PADI1: variants seen among roughly 807,000 people sequenced by gnomAD.
PADI1 encodes protein-arginine deiminase type-1.
In PADI1, 65 loss-of-function variants were observed where a neutral mutation model predicts 74.8. That is an observed-to-expected ratio of 0.87 (90% CI 0.71 to 1.07). The LOEUF (loss-of-function observed/expected upper bound fraction) is 1.07. Ranked by LOEUF, PADI1 falls within the 50% of genes least tolerant of loss-of-function variation. The pLI is 0.00. For synonymous variants in PADI1, 371 were observed against 336.2 expected, an observed-to-expected ratio of 1.10 and a Z score of -1.13; for missense variants, 943 against 854.0, an observed-to-expected ratio of 1.10 and a Z score of -1.30.
intron 14 of PADI1, 89 bp from the exon 15 acceptor site, chr1:17,240,545 AG>A (rs1340744358): frequency 7.0e-7 from 1 of 1,432,672 alleles, no homozygotes; most frequent in African/African-American, 1.4e-5. Context: ...GCGGGCCCAG[AG>A]GGCTCCACAC....
intron 15 of PADI1, among the ~76,000 whole-genome samples, chr1:17,243,096 C>T (rs1046957723): frequency 1.3e-5 from 2 of 152,214 alleles, no homozygotes; most frequent in Non-Finnish European, 2.9e-5. Context: ...AAACTCAAGA[C>T]AGCCCAGAGC....
chr1:17,240,603 G>C (rs373493785), intron 14 of PADI1, 32 bp from the exon 15 acceptor site: 3 of 1,437,674 alleles, frequency 2.1e-6, no homozygotes, highest in Non-Finnish European at 2.9e-6. Flanking sequence ...GCTCTTCCTA[G>C]TCCTGGGCTG....
intron 1 of PADI1, 88 bp from the exon 2 acceptor site, chr1:17,222,202 G>C: frequency 2.1e-6 from 2 of 933,130 alleles, no homozygotes; most frequent in East Asian, 5.0e-5. Context: ...TGAACGGCCT[G>C]GCAGCCCCAA....
At chr1:17,226,468 C>A (rs530856606) in intron 6 of PADI1, among the ~76,000 whole-genome samples, 1 of 152,202 alleles carries the variant, frequency 6.6e-6, no homozygotes, top group Non-Finnish European at 1.5e-5. Context: ...GCCCCACACC[C>A]GTTCCCTCCT....
Position 17,230,567 on chromosome 1 carries a change from C to T in PADI1, c.1054-5C>T. ...ACTGTGGCTTTTTCATCTCTCCCCTCCCAGGACGAGATGGAGTTTGGCTAC... is the reference window on the plus strand; with the variant it reads ...ACTGTGGCTTTTTCATCTCTCCCCTTCCAGGACGAGATGGAGTTTGGCTAC... On this transcript the variant is annotated splice_polypyrimidine_tract_variant and splice_region_variant and intron_variant, in intron 9 of 15. Transcript: ENST00000375471. 1.3e-6 allele frequency: 2 copies of T among 1,596,772 alleles called. No individual in the cohort carries two copies. The highest frequency in any genetic ancestry group is 1.1e-5 in the South Asian group (1 of 89,670).
chr1:17,229,526 C>G (rs1395506179), intron 8 of PADI1, among the ~76,000 whole-genome samples: 2 of 152,238 alleles, frequency 1.3e-5, no homozygotes, highest in East Asian at 3.8e-4. Context: ...AGGGAAGGAT[C>G]AGCCTCGATT....
At chr1:17,225,726 A>T in intron 4 of PADI1, 85 bp from the exon 5 acceptor site, 3 of 866,850 alleles carry the variant, frequency 3.5e-6, no homozygotes, top group Non-Finnish European at 5.6e-6. Flanking sequence ...TAATCTAATA[A>T]AGCAGCCCGC....
At chr1:17,229,115 C>A in intron 8 of PADI1, 64 bp downstream of exon 8, 1 of 1,005,148 alleles carries the variant, frequency 9.9e-7, no homozygotes, top group Non-Finnish European at 1.5e-6. Context: ...CAGAAGCTGC[C>A]TCAGGGCTGC....
rs933358534 is a variant in PADI1 at position 17,221,640 on chromosome 1, G to T, written c.93-650G>T. Among the ~76,000 whole-genome samples the T allele has an allele frequency of 2.6e-5, 4 of 152,112 alleles. No homozygotes were observed. The South Asian group carries it at 8.3e-4, about 32-fold the overall frequency. ...AGAGGGTGAGGGAAGGAGACTTGTGGACATCTTGGGGAGGAGCAGTCCATG... is the reference window on the plus strand; with the variant it reads ...AGAGGGTGAGGGAAGGAGACTTGTGTACATCTTGGGGAGGAGCAGTCCATG... On this transcript the variant is annotated intron_variant, in intron 1 of 15. Coordinates refer to ENST00000375471, the MANE Select transcript of PADI1 (RefSeq NM_013358.3).
At chr1:17,232,728 C>T (rs1420742555) in intron 10 of PADI1, 91 bp from the exon 11 acceptor site, 2 of 1,170,438 alleles carry the variant, frequency 1.7e-6, no homozygotes, top group African/African-American at 1.6e-5. Context: ...TGGGAGACCC[C>T]CAGCAACTCC....
At chr1:17,206,683 C>CTTTTTTTTT (rs796276122) in intron 1 of PADI1, among the ~76,000 whole-genome samples, 20 of 109,758 alleles carry the variant, frequency 1.8e-4, no homozygotes, top group Non-Finnish European at 3.4e-4. Flanking sequence ...TTTTCTTTTT[C>CTTTTTTTTT]TTTTTTTTTT....
At chr1:17,211,120 C>T (rs2071823060) in intron 1 of PADI1, among the ~76,000 whole-genome samples, 1 of 152,194 alleles carries the variant, frequency 6.6e-6, no homozygotes. Flanking sequence ...GCCCTGTGTC[C>T]TCTTTTGTCC....
At chr1:17,227,566 TAAATA>T (rs1557468504) in intron 6 of PADI1, among the ~76,000 whole-genome samples, 14 of 147,436 alleles carry the variant, frequency 9.5e-5, no homozygotes, top group African/African-American at 2.9e-4. Context: ...AATAAATAAA[TAAATA>T]AATAAATAAA....
At chr1:17,234,866 C>T (rs1444556477) in intron 11 of PADI1, among the ~76,000 whole-genome samples, 6 of 152,248 alleles carry the variant, frequency 3.9e-5, no homozygotes, top group East Asian at 3.9e-4. Context: ...ACGATATTGA[C>T]GCTTCTTTGC....
rs996688484 is a variant in PADI1, at chr1:17,239,949, T to C, written c.1632+166T>C. On this transcript the variant is annotated intron_variant, in intron 14 of 15. Transcript: ENST00000375471. ...AGCCTCTGCCTTCAGGAACCCACAG[T>C]CTGATGGAAGAGACAGAGCCATGCC... The C allele has an allele frequency of 9.7e-6, 6 of 616,204 alleles. No homozygotes were observed. In the African/African-American group the frequency reaches 1.1e-4, roughly 11 times the overall value. The allele number at this position is 616,204 out of a possible 1,614,324, so 38.2% of individuals were successfully genotyped here.
At chr1:17,237,600 C>CA in intron 12 of PADI1, 142 bp downstream of exon 12, 1 of 665,112 alleles carries the variant, frequency 1.5e-6, no homozygotes, top group Non-Finnish European at 2.4e-6. Context: ...GTCAGGGCAC[C>CA]CTGACACGCT....
intron 15 of PADI1, among the ~76,000 whole-genome samples, chr1:17,242,606 C>T (rs949793732): frequency 7.2e-5 from 11 of 152,188 alleles, no homozygotes; most frequent in Non-Finnish European, 2.9e-5. Context: ...TCCCTAGCTT[C>T]GTTCCAGGCT....
In PADI1 at chr1:17,225,870, G is replaced by A. The variant is rs1403165479; in HGVS notation, c.468G>A (p.Arg156=). Residue 156 remains arginine (R), a synonymous_variant, in exon 5 of 16, where the codon CGG becomes CGA. Coordinates refer to ENST00000375471, the MANE Select transcript of PADI1 (RefSeq NM_013358.3). ...YGAILLVNCD[R]DNHRSAEPDL... is the part of the protein sequence containing the mutation. ...CTATCTTGCTGGTGAACTGTGACCG[G>A]GACAATCACAGGTCCGCAGAGCCTG... 1 of 1,614,122 alleles carries A rather than the reference G, an allele frequency of 6.2e-7. No homozygotes were observed.
In PADI1 at chr1:17,242,507, G is replaced by T. The variant is rs560199534; in HGVS notation, c.1759-1503G>T. ...CTGAGCTCTGGTTCTGGCTGAAGGTGGCGGGGAGGGCCTAGGCTGGAGCGT... is the reference window on the plus strand; with the variant it reads ...CTGAGCTCTGGTTCTGGCTGAAGGTTGCGGGGAGGGCCTAGGCTGGAGCGT... On this transcript the variant is annotated intron_variant, in intron 15 of 15. Coordinates refer to ENST00000375471, the MANE Select transcript of PADI1 (RefSeq NM_013358.3). Among the ~76,000 whole-genome samples, 11 of 152,312 alleles carry T rather than the reference G, an allele frequency of 7.2e-5. 1 individual carries two copies. In the South Asian group the frequency reaches 1.5e-3, roughly 20 times the overall value.
Sources: allele counts gnomAD v4.1 joint callset (sites outside exome capture counted in the v4.1 genomes callset), GRCh38; gene constraint gnomAD v4.1.1; transcripts MANE v1.5; gene names NCBI Gene and HGNC (gene_info 2026-07-23, HGNC 2026-07-21).